NKAIN2: variants seen among roughly 807,000 people sequenced by gnomAD.
NKAIN2 encodes sodium/potassium transporting ATPase interacting 2, also known as sodium/potassium-transporting ATPase subunit beta-1-interacting protein 2.
Under a neutral mutation model 32.6 loss-of-function variants are expected in NKAIN2, and 14 were observed. That is an observed-to-expected ratio of 0.43 (90% CI 0.28 to 0.67). The LOEUF is 0.67. Among genes scored for constraint, NKAIN2 ranks in the 30% least tolerant of loss-of-function variants. The probability of loss-of-function intolerance (pLI) is 0.17; values close to 1 mark genes in which losing one functional copy is unlikely to be tolerated. For missense variants in NKAIN2, 198 were observed against 258.3 expected, an observed-to-expected ratio of 0.77 and a Z score of 1.60; for synonymous variants, 80 against 87.2, an observed-to-expected ratio of 0.92 and a Z score of 0.46.
chr6:124,449,823 G>A (rs1168505085), intron 3 of NKAIN2, among the ~76,000 whole-genome samples: 2 of 152,138 alleles, frequency 1.3e-5, no homozygotes, highest in African/African-American at 4.8e-5. Flanking sequence ...GACCAAAGGG[G>A]TGGAGCTGTA....
At chr6:123,821,576 T>A (rs1017829714) in intron 1 of NKAIN2, among the ~76,000 whole-genome samples, 1 of 152,162 alleles carries the variant, frequency 6.6e-6, no homozygotes, top group Non-Finnish European at 1.5e-5. Flanking sequence ...CAGCACTCAG[T>A]ATTAGCAGTC....
At chr6:124,683,241 C>G (rs1773706382) in intron 4 of NKAIN2, among the ~76,000 whole-genome samples, 1 of 152,118 alleles carries the variant, frequency 6.6e-6, no homozygotes, top group Admixed American at 6.6e-5. Context: ...GATTCTCAAC[C>G]CTTTAAATGT....
intron 4 of NKAIN2, among the ~76,000 whole-genome samples, chr6:124,752,561 G>A (rs1467833152): frequency 1.3e-5 from 2 of 151,794 alleles, no homozygotes; most frequent in African/African-American, 2.4e-5. Context: ...GTGTGTGTGT[G>A]TATACATGCC....
intron 1 of NKAIN2, among the ~76,000 whole-genome samples, chr6:124,208,438 A>G (rs185771414): frequency 1.5e-4 from 23 of 151,982 alleles, no homozygotes; most frequent in Middle Eastern, 3.4e-3. Context: ...TGATGGCATC[A>G]TAACTGAACA....
chr6:124,778,510 A>T (rs1016647482), intron 4 of NKAIN2, among the ~76,000 whole-genome samples: 3 of 152,008 alleles, frequency 2.0e-5, no homozygotes, highest in Non-Finnish European at 4.4e-5. Context: ...GCAAGTGTAT[A>T]ATAAAAAAAT....
At chr6:124,408,477 T>C (rs1773979771) in intron 3 of NKAIN2, among the ~76,000 whole-genome samples, 1 of 152,230 alleles carries the variant, frequency 6.6e-6, no homozygotes, top group South Asian at 2.1e-4. Flanking sequence ...TGTTTGTTTT[T>C]GTCAGGTTTG....
At chr6:123,937,523 G>A (rs1157460444) in intron 1 of NKAIN2, among the ~76,000 whole-genome samples, 3 of 152,086 alleles carry the variant, frequency 2.0e-5, no homozygotes, top group Admixed American at 6.6e-5. Flanking sequence ...ACGACTGCGT[G>A]TGAAAAGAAG....
At chr6:124,394,354 G>A (rs984642575) in intron 3 of NKAIN2, among the ~76,000 whole-genome samples, 5 of 151,970 alleles carry the variant, frequency 3.3e-5, no homozygotes, top group Non-Finnish European at 7.4e-5. Flanking sequence ...TCCTTTAACA[G>A]CATAATACTA....
chr6:124,147,829 T>C (rs920784236), intron 1 of NKAIN2, among the ~76,000 whole-genome samples: 1 of 152,170 alleles, frequency 6.6e-6, no homozygotes, highest in Non-Finnish European at 1.5e-5. Context: ...AGTAGGAGGA[T>C]ATTTTGAAGT....
At chr6:123,815,633 G>C (rs1773661318) in intron 1 of NKAIN2, among the ~76,000 whole-genome samples, 1 of 152,038 alleles carries the variant, frequency 6.6e-6, no homozygotes, top group Non-Finnish European at 1.5e-5. Context: ...ATGAAACTTA[G>C]ATGAAAACCC....
chr6:124,808,447 A>G (rs1327336548), intron 5 of NKAIN2, among the ~76,000 whole-genome samples: 1 of 152,216 alleles, frequency 6.6e-6, no homozygotes, highest in African/African-American at 2.4e-5. Flanking sequence ...TTCATGCTAA[A>G]AACTCTCAAT....
chr6:124,688,205 A>T (rs1201436702), intron 4 of NKAIN2, among the ~76,000 whole-genome samples: 1 of 152,094 alleles, frequency 6.6e-6, no homozygotes, highest in Non-Finnish European at 1.5e-5. Flanking sequence ...TACCACATTC[A>T]GTGCTTTACC....
intron 1 of NKAIN2, among the ~76,000 whole-genome samples, chr6:124,131,570 A>C (rs1329940844): frequency 6.6e-6 from 1 of 152,238 alleles, no homozygotes; most frequent in East Asian, 1.9e-4. Flanking sequence ...AAGTGTGAGA[A>C]GGGAAAAACC....
chr6:124,220,626 A>C (rs1791765593), intron 1 of NKAIN2, among the ~76,000 whole-genome samples: 1 of 151,644 alleles, frequency 6.6e-6, no homozygotes, highest in Admixed American at 6.6e-5. Context: ...TCACCTAAGA[A>C]TATGAGAAAA....
chr6:124,056,809 T>C (rs1424834367), intron 1 of NKAIN2, among the ~76,000 whole-genome samples: 9 of 151,990 alleles, frequency 5.9e-5, no homozygotes, highest in African/African-American at 4.8e-5. Context: ...AAGGAATAAT[T>C]GCTACTCTTC....
intron 1 of NKAIN2, among the ~76,000 whole-genome samples, chr6:124,262,828 A>G (rs1794315165): frequency 6.6e-6 from 1 of 152,124 alleles, no homozygotes; most frequent in South Asian, 2.1e-4. Flanking sequence ...CACATTGTGT[A>G]TTGCTGTGGT....
chr6:124,429,706 G>A (rs1446130569), intron 3 of NKAIN2, among the ~76,000 whole-genome samples: 1 of 152,138 alleles, frequency 6.6e-6, no homozygotes, highest in Non-Finnish European at 1.5e-5. Context: ...GTAAACAGGT[G>A]CAGTACTTCA....
At chr6:124,207,813 CA>C (rs1393149815) in intron 1 of NKAIN2, among the ~76,000 whole-genome samples, 1 of 151,694 alleles carries the variant, frequency 6.6e-6, no homozygotes, top group Non-Finnish European at 1.5e-5. Context: ...GCTATCAAGG[CA>C]AAAATCTAAG....
chr6:124,545,119 T>C (rs532525598), intron 3 of NKAIN2, among the ~76,000 whole-genome samples: 1 of 152,194 alleles, frequency 6.6e-6, no homozygotes, highest in Non-Finnish European at 1.5e-5. Flanking sequence ...CTCAACTGAA[T>C]TGCCTCCAGA....
Sources: allele counts gnomAD v4.1 joint callset (sites outside exome capture counted in the v4.1 genomes callset), GRCh38; gene constraint gnomAD v4.1.1; transcripts MANE v1.5; gene names NCBI Gene and HGNC (gene_info 2026-07-23, HGNC 2026-07-21).